ARHGEF37: variants seen among roughly 807,000 people sequenced by gnomAD.
The protein encoded by ARHGEF37 is Rho guanine nucleotide exchange factor (GEF) 37.
In ARHGEF37, 55 loss-of-function variants were observed where a neutral mutation model predicts 71.1. The ratio of observed to expected loss-of-function variants is 0.77; its 90% CI spans 0.62 to 0.97. The LOEUF is 0.97. ARHGEF37 is among the 50% of genes least tolerant of loss of function. ARHGEF37 has a pLI of 0.00. For synonymous variants in ARHGEF37, 327 were observed against 350.6 expected (o/e 0.93, Z 0.75); for missense variants, 765 against 836.8 (o/e 0.91, Z 1.06).
intron 1 of ARHGEF37, among the ~76,000 whole-genome samples, chr5:149,592,300 C>T (rs900006461): frequency 2.0e-5 from 3 of 152,242 alleles, no homozygotes; most frequent in African/African-American, 4.8e-5. Context: ...TTTATACTCA[C>T]ACCTACCTGC....
At chr5:149,613,334 G>A (rs1262126276) in intron 4 of ARHGEF37, among the ~76,000 whole-genome samples, 1 of 149,392 alleles carries the variant, frequency 6.7e-6, no homozygotes, top group African/African-American at 2.5e-5. Context: ...ACAGATAGAT[G>A]GTTAGATAGA....
At chr5:149,568,253 C>G (rs7710373) in intron 1 of ARHGEF37, among the ~76,000 whole-genome samples, 37,908 of 151,838 alleles carry the variant, frequency 0.25, 5,250 homozygotes, top group Admixed American at 0.4. Flanking sequence ...TCTTGAACTC[C>G]TGTGCTCAAA....
At chr5:149,620,919 C>G (rs1752523062) in intron 8 of ARHGEF37, among the ~76,000 whole-genome samples, 1 of 152,128 alleles carries the variant, frequency 6.6e-6, no homozygotes, top group Non-Finnish European at 1.5e-5. Context: ...AGTGCACTTT[C>G]CTGATAAAAA....
In ARHGEF37 at chr5:149,627,248, G is replaced by C; in HGVS notation, c.1637G>C (p.Gly546Ala). Residue 546 changes from glycine to alanine, a missense_variant, in exon 11 of 13, where the codon GGC becomes GCC. This residue lies in a region of ARHGEF37 where 390 missense variants were observed against 407.4 expected (regional missense o/e 0.96). Coordinates refer to ENST00000333677, the MANE Select transcript of ARHGEF37 (RefSeq NM_001001669.3). ...AACAAGGACACCAAAGGCAACAGCG[G>C]CCGCTGGCTGGTGGACACCGGGGGT... ...LQNKDTKGNS[G>A]RWLVDTGGHR... The C allele has an allele frequency of 1.9e-6, 3 of 1,613,822 alleles. No individual in the cohort carries two copies. The highest frequency in any genetic ancestry group is 2.5e-6 in the Non-Finnish European group (3 of 1,179,982).
intron 1 of ARHGEF37, among the ~76,000 whole-genome samples, chr5:149,592,880 C>T (rs183803094): frequency 1.3e-5 from 2 of 152,322 alleles, no homozygotes; most frequent in Non-Finnish European, 2.9e-5. Flanking sequence ...AGCAATTCTC[C>T]TGTCTCAGCC....
At chr5:149,602,891 G>T (rs1258375814) in intron 3 of ARHGEF37, among the ~76,000 whole-genome samples, 2 of 152,192 alleles carry the variant, frequency 1.3e-5, no homozygotes, top group South Asian at 4.1e-4. Context: ...TCCTGAACAC[G>T]AATGATGAGG....
chr5:149,555,246 G>C (rs1185226440), intron 1 of ARHGEF37, among the ~76,000 whole-genome samples: 1 of 151,564 alleles, frequency 6.6e-6, no homozygotes, highest in African/African-American at 2.4e-5. Flanking sequence ...AAAAATTTTA[G>C]ACCTTGAGGG....
At chr5:149,612,403 G>A (rs1205900470) in intron 4 of ARHGEF37, among the ~76,000 whole-genome samples, 5 of 152,182 alleles carry the variant, frequency 3.3e-5, no homozygotes, top group African/African-American at 1.2e-4. Flanking sequence ...TCCTGACCTC[G>A]TGATCCGCCC....
chr5:149,620,829 C>CAAAAAA (rs66996935), intron 8 of ARHGEF37, among the ~76,000 whole-genome samples: 3 of 144,866 alleles, frequency 2.1e-5, no homozygotes, highest in Non-Finnish European at 4.5e-5. Flanking sequence ...GACTCCTTCT[C>CAAAAAA]AAAAAAAGAA....
chr5:149,561,263 A>G (rs886202506), intron 1 of ARHGEF37, among the ~76,000 whole-genome samples: 1 of 129,100 alleles, frequency 7.7e-6, no homozygotes, highest in Non-Finnish European at 1.6e-5. Flanking sequence ...ACAGAGCAAG[A>G]CTCTGTCTCA....
intron 1 of ARHGEF37, among the ~76,000 whole-genome samples, chr5:149,596,145 C>T (rs74770708): frequency 4.6e-5 from 7 of 152,250 alleles, no homozygotes; most frequent in Non-Finnish European, 1.0e-4. Context: ...TGCTCCCCAC[C>T]GTAGTTTTCA....
At position 149,622,002 on chromosome 5, in the gene ARHGEF37, G is replaced by A; in HGVS notation, c.1275G>A (p.Val425=). Residue 425 remains valine (V), a synonymous_variant, in exon 9 of 13, where the codon GTG becomes GTA. Transcript: ENST00000333677. ...TGGGCCAGATCATGTGCACATTCGT[G>A]ACCCTCCAGAGGGACCTTGCAAAGC... The part of the protein sequence containing the change: ...QWLGQIMCTF[V]TLQRDLAKQV... 6.2e-7 allele frequency: 1 copy of A among 1,614,124 alleles called. No individual in the cohort carries two copies. Among genetic ancestry groups the A allele is most frequent in the Non-Finnish European group, 8.5e-7 (1 of 1,179,998 alleles).
rs187175748 is a variant in ARHGEF37, at chr5:149,558,378, C to T, written c.-12+6255C>T. ...AAAATTAGCTGGGCGTGGTGGCTTGCGCCTATAATCCCAGCTACTCAGGAG... is the reference window on the plus strand; with the variant it reads ...AAAATTAGCTGGGCGTGGTGGCTTGTGCCTATAATCCCAGCTACTCAGGAG... On this transcript the variant is annotated intron_variant, in intron 1 of 2. Coordinates refer to the ARHGEF37 transcript ENST00000505810. 6.0e-3 allele frequency among the ~76,000 whole-genome samples: 907 copies of T among 152,138 alleles called. 11 individuals carry two copies. The highest frequency in any genetic ancestry group is 0.051 in the Middle Eastern group (15 of 294).
chr5:149,576,333 T>A (rs921977), intron 1 of ARHGEF37, among the ~76,000 whole-genome samples: 95,134 of 152,158 alleles, frequency 0.63, 32,249 homozygotes, highest in East Asian at 0.99. Flanking sequence ...AAGTCATACT[T>A]CTGAGGTTTC....
In ARHGEF37 at chr5:149,634,633, T is replaced by C. The variant is rs1048327360; in HGVS notation, c.*2442T>C. On this transcript the variant is annotated 3_prime_UTR_variant, in exon 13 of 13. Transcript: ENST00000333677. ...CCTGTATTTTCTCCAGGGGAATCTG[T>C]GTAATGTGCCTTTTCCCTCTCCAAA... 3.3e-5 allele frequency: 5 copies of C among 152,634 alleles called. No homozygotes were observed. The highest frequency in any genetic ancestry group is 1.2e-4 in the African/African-American group (5 of 41,452). The allele number at this position is 152,634 out of a possible 1,614,324, so 9.5% of individuals were successfully genotyped here. A position where few individuals can be genotyped will look rare whatever the true frequency, so the allele number is the denominator to read the frequency against.
At chr5:149,602,102 G>T (rs1004914826) in intron 3 of ARHGEF37, among the ~76,000 whole-genome samples, 1 of 150,742 alleles carries the variant, frequency 6.6e-6, no homozygotes, top group African/African-American at 2.4e-5. Flanking sequence ...TGTCGCCCAG[G>T]CTCGAGTGCA....
chr5:149,623,198 A>G (rs1261602016), intron 9 of ARHGEF37, among the ~76,000 whole-genome samples: 1 of 152,234 alleles, frequency 6.6e-6, no homozygotes, highest in East Asian at 1.9e-4. Context: ...AGAGCTCCCC[A>G]TCTCCTGAGG....
chr5:149,572,048 A>G (rs1304844575), intron 1 of ARHGEF37, among the ~76,000 whole-genome samples: 2 of 152,164 alleles, frequency 1.3e-5, no homozygotes, highest in East Asian at 1.9e-4. Flanking sequence ...AAGACTTTCT[A>G]TTATATAAAG....
Position 149,620,263 on chromosome 5 carries a change from A to G in ARHGEF37, c.895-91A>G, listed in dbSNP as rs777817238. On this transcript the variant is annotated intron_variant, in intron 7 of 12. Transcript: ENST00000333677. ...CATTGGGGGTGTGTAGAGAGCCTGG[A>G]AAACCTCTTCAAGGTATGGTGGAAG... 429 of 881,150 alleles carry G rather than the reference A, an allele frequency of 4.9e-4. 1 individual carries two copies. Among genetic ancestry groups the G allele is most frequent in the Non-Finnish European group, 4.1e-4 (231 of 562,500 alleles). 54.6% of individuals were successfully genotyped at this position (881,150 alleles called of 1,614,324 possible).
Sources: gnomAD v4.1 joint callset for allele counts (sites outside exome capture counted in the v4.1 genomes callset) on GRCh38, gnomAD v4.1.1 for gene constraint, gnomAD v4.1.1 regional missense constraint, MANE v1.5 for transcripts, NCBI Gene and HGNC (gene_info 2026-07-23, HGNC 2026-07-21) for gene names.